The following ECRG4 variants were observed in gnomAD, a reference collection of about 807,000 sequenced individuals.
The protein encoded by ECRG4 is ECRG4 augurin precursor, also known as augurin.
In ECRG4, 18 loss-of-function variants were observed where a neutral mutation model predicts 15.8. The ratio of observed to expected loss-of-function variants is 1.14; its 90% CI spans 0.79 to 1.69. ECRG4 has a LOEUF of 1.69. Ranked by LOEUF, ECRG4 falls within the 40% of genes most tolerant of loss-of-function variation. The pLI, the probability that ECRG4 is intolerant of heterozygous loss-of-function variation, is 0.00. For synonymous variants in ECRG4, 82 were observed against 73.9 expected, an observed-to-expected ratio of 1.11 and a Z score of -0.56; for missense variants, 200 against 190.9, an observed-to-expected ratio of 1.05 and a Z score of -0.28.
intron 1 of ECRG4, among the ~76,000 whole-genome samples, chr2:106,066,495 G>T (rs1186389888): frequency 2.6e-5 from 4 of 152,200 alleles, no homozygotes; most frequent in Non-Finnish European, 4.4e-5. Flanking sequence ...GGCTCCACAG[G>T]CCCCACTTTA....
intron 3 of ECRG4, among the ~76,000 whole-genome samples, chr2:106,075,437 C>A (rs1419909070): frequency 6.6e-6 from 1 of 152,198 alleles, no homozygotes. Context: ...GTTTAACATG[C>A]AGGGACGGGC....
intron 2 of ECRG4, among the ~76,000 whole-genome samples, chr2:106,073,388 C>T (rs890472868): frequency 1.3e-5 from 2 of 152,304 alleles, no homozygotes; most frequent in Admixed American, 6.5e-5. Flanking sequence ...TACTGTTGGG[C>T]AGGGTCTGGT....
chr2:106,074,097 AG>A (rs1477525002), intron 3 of ECRG4, 54 bp downstream of exon 3: 14 of 1,595,660 alleles, frequency 8.8e-6, no homozygotes, highest in Non-Finnish European at 1.1e-5. Flanking sequence ...GGTGGCAGGG[AG>A]GAGGCCTGGC....
upstream of ECRG4, among the ~76,000 whole-genome samples, chr2:106,065,411 T>C (rs547184931): frequency 4.6e-5 from 7 of 152,240 alleles, 1 homozygote; most frequent in South Asian, 1.5e-3. Flanking sequence ...CTTCCTTGGG[T>C]CTCCGGAACC....
At chr2:106,076,061 A>G (rs1012515734) in intron 3 of ECRG4, among the ~76,000 whole-genome samples, 4 of 152,228 alleles carry the variant, frequency 2.6e-5, no homozygotes, top group African/African-American at 9.6e-5. Flanking sequence ...CACGCCTGTA[A>G]TCCTAGCACT....
At chr2:106,076,751 G>A (rs1017133374) in intron 3 of ECRG4, among the ~76,000 whole-genome samples, 5 of 152,188 alleles carry the variant, frequency 3.3e-5, no homozygotes, top group African/African-American at 4.8e-5. Context: ...CTGAGAACCT[G>A]CATTTGTGAT....
chr2:106,077,498 T>G (rs1676511282), intron 3 of ECRG4, among the ~76,000 whole-genome samples: 1 of 152,124 alleles, frequency 6.6e-6, no homozygotes, highest in Non-Finnish European at 1.5e-5. Context: ...AGAAAAACAT[T>G]TAAGTCTGGA....
At chr2:106,069,144 TTTCTTTTC>T (rs1260209010) in intron 1 of ECRG4, among the ~76,000 whole-genome samples, 2,029 of 132,926 alleles carry the variant, frequency 0.015, 55 homozygotes, top group African/African-American at 0.053. Flanking sequence ...TCTTTCTTTC[TTTCTTTTC>T]TTTCTTTCTT....
At chr2:106,072,007 TA>T in intron 2 of ECRG4, 116 bp downstream of exon 2, 1 of 835,812 alleles carries the variant, frequency 1.2e-6, no homozygotes, top group Non-Finnish European at 2.0e-6. Context: ...GTTTACTCCT[TA>T]AAAGGTTAGC....
intron 1 of ECRG4, among the ~76,000 whole-genome samples, chr2:106,069,171 T>TCTC (rs1676296204): frequency 1.3e-5 from 1 of 79,332 alleles, no homozygotes; most frequent in Admixed American, 1.4e-4. Flanking sequence ...TTTCTTTCTT[T>TCTC]TTTCTTTCTT....
intron 3 of ECRG4, among the ~76,000 whole-genome samples, chr2:106,077,062 CT>C (rs1374307753): frequency 6.6e-6 from 1 of 152,208 alleles, no homozygotes; most frequent in Non-Finnish European, 1.5e-5. Flanking sequence ...TTCTCTATCC[CT>C]TTTATTATCT....
At chr2:106,073,198 C>G (rs1558657417) in intron 2 of ECRG4, among the ~76,000 whole-genome samples, 1 of 152,188 alleles carries the variant, frequency 6.6e-6, no homozygotes, top group African/African-American at 2.4e-5. Context: ...GTGGCTTCCT[C>G]GAGCACATCC....
intron 3 of ECRG4, among the ~76,000 whole-genome samples, chr2:106,076,216 G>C (rs1676483160): frequency 6.6e-6 from 1 of 152,182 alleles, no homozygotes; most frequent in Admixed American, 6.5e-5. Context: ...TACTCGGGAG[G>C]CTGAGGCAGG....
At chr2:106,072,266 C>A in intron 2 of ECRG4, 1 of 174,282 alleles carries the variant, frequency 5.7e-6, no homozygotes, top group Non-Finnish European at 1.2e-5. Context: ...TGCGGTAGTC[C>A]GTGTATCCAA....
chr2:106,077,667 G>A, intron 3 of ECRG4, 98 bp from the exon 4 acceptor site: 1 of 1,177,744 alleles, frequency 8.5e-7, no homozygotes, highest in Non-Finnish European at 1.2e-6. Context: ...AATCGTTGAA[G>A]AAAAACCACC....
At chr2:106,074,482 A>T (rs1573363595) in intron 3 of ECRG4, among the ~76,000 whole-genome samples, 1 of 152,230 alleles carries the variant, frequency 6.6e-6, no homozygotes, top group East Asian at 1.9e-4. Context: ...AGGGACCTGT[A>T]AAGAGAGGAT....
intron 1 of ECRG4, among the ~76,000 whole-genome samples, chr2:106,068,767 C>T (rs554073324): frequency 6.6e-6 from 1 of 152,272 alleles, no homozygotes; most frequent in East Asian, 1.9e-4. Context: ...ATTATTAGTG[C>T]CAAGGAACAT....
At chr2:106,076,211 G>A (rs1010047185) in intron 3 of ECRG4, among the ~76,000 whole-genome samples, 5 of 152,060 alleles carry the variant, frequency 3.3e-5, no homozygotes, top group African/African-American at 9.7e-5. Flanking sequence ...CCAGCTACTC[G>A]GGAGGCTGAG....
At chr2:106,065,036 T>C (rs1210911518), upstream of ECRG4, among the ~76,000 whole-genome samples, 1 of 152,114 alleles carries the variant, frequency 6.6e-6, no homozygotes, top group Admixed American at 6.5e-5. Context: ...ACCAGGTTCC[T>C]GGTTTCTCAA....
Sources: allele counts gnomAD v4.1 joint callset (sites outside exome capture counted in the v4.1 genomes callset), GRCh38; gene constraint gnomAD v4.1.1; transcripts MANE v1.5; gene names NCBI Gene and HGNC (gene_info 2026-07-23, HGNC 2026-07-21).